Variants in CACNA2D1 observed in about 807,000 individuals in gnomAD.
The protein encoded by CACNA2D1 is calcium voltage-gated channel auxiliary subunit alpha2delta 1.
A neutral mutation model predicts 171.5 loss-of-function variants in CACNA2D1; 53 were observed. The observed-to-expected ratio is 0.31, with a 90% CI of 0.25 to 0.39. CACNA2D1 has a LOEUF of 0.39. Ranked by LOEUF, CACNA2D1 falls within the 10% of genes least tolerant of loss-of-function variation. The probability of loss-of-function intolerance (pLI) is 1.00; values close to 1 mark genes in which losing one functional copy is unlikely to be tolerated. For missense variants in CACNA2D1, 903 were observed against 1,299.8 expected (o/e 0.69, Z 4.69); for synonymous variants, 442 against 443.1 (o/e 1.00, Z 0.03).
At chr7:82,145,797 T>C (rs902469462) in intron 4 of CACNA2D1, among the ~76,000 whole-genome samples, 1 of 146,698 alleles carries the variant, frequency 6.8e-6, no homozygotes, top group African/African-American at 2.5e-5. Flanking sequence ...TTGAGACACA[T>C]TCATTCACTT....
chr7:81,960,802 T>G (rs970410685), intron 36 of CACNA2D1, among the ~76,000 whole-genome samples: 3 of 152,040 alleles, frequency 2.0e-5, no homozygotes, highest in Non-Finnish European at 4.4e-5. Context: ...ATGTATCCAA[T>G]AAACATGCCA....
chr7:82,387,854 G>A (rs1293292539), intron 1 of CACNA2D1, among the ~76,000 whole-genome samples: 1 of 152,030 alleles, frequency 6.6e-6, no homozygotes, highest in Non-Finnish European at 1.5e-5. Flanking sequence ...GCAGAGGTAG[G>A]CACATTTCTT....
At chr7:82,419,109 C>CA (rs370697144) in intron 1 of CACNA2D1, among the ~76,000 whole-genome samples, 2,724 of 98,092 alleles carry the variant, frequency 0.028, 74 homozygotes, top group East Asian at 0.15. Flanking sequence ...GACTCCATCT[C>CA]AAAAAAAAAA....
At chr7:82,266,970 A>T (rs1807944970) in intron 3 of CACNA2D1, among the ~76,000 whole-genome samples, 1 of 152,168 alleles carries the variant, frequency 6.6e-6, no homozygotes, top group South Asian at 2.1e-4. Flanking sequence ...CTTCTGAAAA[A>T]TTTTTATCCA....
intron 4 of CACNA2D1, among the ~76,000 whole-genome samples, chr7:82,164,202 T>C (rs1795220333): frequency 1.3e-5 from 2 of 152,002 alleles, no homozygotes; most frequent in South Asian, 4.1e-4. Context: ...GATATCCTAA[T>C]ACTACAAGTA....
At chr7:82,375,764 C>T (rs1822953248) in intron 1 of CACNA2D1, among the ~76,000 whole-genome samples, 1 of 152,114 alleles carries the variant, frequency 6.6e-6, no homozygotes, top group Admixed American at 6.5e-5. Flanking sequence ...ATATTCAATG[C>T]CCCCCAAATA....
chr7:82,366,086 G>A lies in CACNA2D1; in HGVS notation c.96-16437C>T, dbSNP rs557157301. On this transcript the variant is annotated intron_variant, in intron 1 of 38. Coordinates refer to ENST00000356860, the MANE Select transcript of CACNA2D1 (RefSeq NM_000722.4). ...AGCCAACTCTCCTCCTAGACCACTC[G>A]TTGCTACAGCACAGATATATAGGCC... 3.9e-5 allele frequency among the ~76,000 whole-genome samples: 6 copies of A among 152,260 alleles called. No homozygotes were observed. In the South Asian group the frequency reaches 8.3e-4, roughly 21 times the overall value.
chr7:82,357,577 T>C (rs955046858), intron 1 of CACNA2D1, among the ~76,000 whole-genome samples: 1 of 151,936 alleles, frequency 6.6e-6, no homozygotes, highest in African/African-American at 2.4e-5. Flanking sequence ...GTAAACAGAT[T>C]TGTAAGAAAA....
intron 2 of CACNA2D1, among the ~76,000 whole-genome samples, chr7:82,336,481 A>C (rs1287873773): frequency 6.6e-6 from 1 of 152,222 alleles, no homozygotes; most frequent in East Asian, 1.9e-4. Context: ...TATTCACACT[A>C]TGAGATTTTA....
intron 7 of CACNA2D1, among the ~76,000 whole-genome samples, chr7:82,083,427 T>G (rs1389770806): frequency 6.6e-6 from 1 of 151,792 alleles, no homozygotes; most frequent in African/African-American, 2.4e-5. Flanking sequence ...TTATGTTGTC[T>G]TATATAAGTA....
intron 3 of CACNA2D1, among the ~76,000 whole-genome samples, chr7:82,333,824 C>T (rs1053011121): frequency 1.3e-5 from 2 of 151,942 alleles, no homozygotes; most frequent in South Asian, 2.1e-4. Context: ...ATAACTTGCA[C>T]GTGGACTAAA....
At chr7:82,190,129 C>G (rs749754393) in intron 3 of CACNA2D1, among the ~76,000 whole-genome samples, 3 of 151,662 alleles carry the variant, frequency 2.0e-5, no homozygotes, top group Non-Finnish European at 3.0e-5. Context: ...AGGGTTGTTA[C>G]GAGTCAGAGA....
intron 1 of CACNA2D1, among the ~76,000 whole-genome samples, chr7:82,403,441 G>C (rs533071166): frequency 6.6e-6 from 1 of 152,146 alleles, no homozygotes; most frequent in Non-Finnish European, 1.5e-5. Flanking sequence ...GTGTAGTTTA[G>C]TTAGGACTCC....
At chr7:82,317,640 T>C (rs552861792) in intron 3 of CACNA2D1, among the ~76,000 whole-genome samples, 11 of 152,168 alleles carry the variant, frequency 7.2e-5, no homozygotes, top group Middle Eastern at 3.4e-3. Context: ...ACAGGGCAAT[T>C]GGTGTGAAAT....
chr7:82,331,033 A>G (rs1005001315), intron 3 of CACNA2D1, among the ~76,000 whole-genome samples: 2 of 152,138 alleles, frequency 1.3e-5, no homozygotes, highest in African/African-American at 2.4e-5. Flanking sequence ...CATTTTAACA[A>G]GAGCCACGGG....
intron 10 of CACNA2D1, chr7:82,050,373 G>C (rs1235986774): frequency 1.8e-6 from 1 of 543,194 alleles, no homozygotes; most frequent in African/African-American, 1.9e-5. Flanking sequence ...CATAGCAACA[G>C]AGGAGCAGAG....
At chr7:81,970,781 T>C (rs757236801) in intron 26 of CACNA2D1, 44 bp from the exon 27 acceptor site, 19 of 1,193,910 alleles carry the variant, frequency 1.6e-5, no homozygotes, top group Non-Finnish European at 2.4e-5. Context: ...TTGAACATAT[T>C]CTAAAAAACA....
chr7:82,276,320 C>T (rs1425869244), intron 3 of CACNA2D1, among the ~76,000 whole-genome samples: 2 of 152,210 alleles, frequency 1.3e-5, no homozygotes, highest in African/African-American at 2.4e-5. Flanking sequence ...ACTTCCTTCG[C>T]ACCTGGGACT....
chr7:82,197,800 A>T (rs576799455), intron 3 of CACNA2D1, among the ~76,000 whole-genome samples: 3 of 125,034 alleles, frequency 2.4e-5, no homozygotes, highest in Admixed American at 8.1e-5. Flanking sequence ...TGTCTTTTTT[A>T]AACTATACAA....
Sources: gnomAD v4.1 joint callset for allele counts (sites outside exome capture counted in the v4.1 genomes callset) on GRCh38, gnomAD v4.1.1 for gene constraint, MANE v1.5 for transcripts, NCBI Gene and HGNC (gene_info 2026-07-23, HGNC 2026-07-21) for gene names.